The following CEP112 variants were observed in gnomAD, a reference collection of about 807,000 sequenced individuals.
CEP112 encodes the protein centrosomal protein 112.
In CEP112, 127 loss-of-function variants were observed where a neutral mutation model predicts 153.0. The ratio of observed to expected loss-of-function variants is 0.83; its 90% confidence interval spans 0.72 to 0.96. The LOEUF is 0.96. Among genes scored for constraint, CEP112 ranks in the 40% least tolerant of loss-of-function variants. CEP112 has a pLI of 0.00. For synonymous variants in CEP112, 358 were observed against 374.4 expected (o/e 0.96, Z 0.51); for missense variants, 1,089 against 1,101.2 (o/e 0.99, Z 0.16).
intron 24 of CEP112, among the ~76,000 whole-genome samples, chr17:65,660,958 C>A (rs1038099755): frequency 6.6e-6 from 1 of 152,222 alleles, no homozygotes; most frequent in Non-Finnish European, 1.5e-5. Flanking sequence ...ATCTGATCAT[C>A]TCACCCCAAC....
chr17:65,971,256 C>G (rs1401675271), intron 17 of CEP112, among the ~76,000 whole-genome samples: 1 of 152,128 alleles, frequency 6.6e-6, no homozygotes, highest in Admixed American at 6.5e-5. Context: ...ACATCAAATG[C>G]GTACTGCACA....
chr17:66,147,692 G>A (rs542258036), intron 4 of CEP112, among the ~76,000 whole-genome samples: 11 of 152,280 alleles, frequency 7.2e-5, no homozygotes, highest in Non-Finnish European at 1.0e-4. Context: ...TATATATGAT[G>A]TAAAGTGAGA....
At chr17:66,101,893 C>T (rs570803315) in intron 6 of CEP112, among the ~76,000 whole-genome samples, 6 of 151,932 alleles carry the variant, frequency 3.9e-5, no homozygotes, top group African/African-American at 1.4e-4. Flanking sequence ...ATGAAATCAC[C>T]ATGGAATTTA....
Position 66,175,236 on chromosome 17 carries a change from A to G in CEP112, c.298-20T>C. On this transcript the variant is annotated intron_variant, in intron 3 of 26. Coordinates refer to ENST00000535342, the MANE Select transcript of CEP112 (RefSeq NM_001199165.4). ...GATGGACTGATTTTTTAAAATTAGA[A>G]AAATTATTCTTTCAAAATGTACTAT... 6 of 1,503,492 alleles carry G rather than the reference A, an allele frequency of 4.0e-6. No homozygotes were observed. Among genetic ancestry groups the G allele is most frequent in the African/African-American group, 1.4e-5 (1 of 70,388 alleles). The allele number at this position is 1,503,492 out of a possible 1,614,324, so 93.1% of individuals were successfully genotyped here.
intron 8 of CEP112, among the ~76,000 whole-genome samples, chr17:66,082,631 C>T (rs756870821): frequency 7.2e-5 from 11 of 152,074 alleles, no homozygotes; most frequent in South Asian, 6.2e-4. Flanking sequence ...GATGTCATGG[C>T]GTGTGCCTGT....
chr17:65,926,251 C>T (rs1307278689), intron 19 of CEP112, among the ~76,000 whole-genome samples: 2 of 152,134 alleles, frequency 1.3e-5, no homozygotes, highest in Non-Finnish European at 2.9e-5. Context: ...ACGTGCAGTT[C>T]CCTCAGACTG....
Position 66,191,455 on chromosome 17 carries a change from C to T in CEP112, c.-9+542G>A, listed in dbSNP as rs1239358142. Among the ~76,000 whole-genome samples, 1 of 152,212 alleles carries T rather than the reference C, an allele frequency of 6.6e-6. No homozygotes were observed. The highest frequency in any genetic ancestry group is 1.5e-5 in the Non-Finnish European group (1 of 68,036). On this transcript the variant is annotated intron_variant, in intron 1 of 26. Coordinates refer to ENST00000535342, the MANE Select transcript of CEP112 (RefSeq NM_001199165.4). This position sits in a 1 kb window ranked among gnomAD's most constrained non-coding sequence, Gnocchi z 4.2. ...TTAACTCAGAAACACAGGGTAGCATCCTACATGCGGCGGTGCTGGGCTTGG... is the reference window on the plus strand; with the variant it reads ...TTAACTCAGAAACACAGGGTAGCATTCTACATGCGGCGGTGCTGGGCTTGG...
At chr17:65,870,184 T>G (rs2058628155) in intron 20 of CEP112, among the ~76,000 whole-genome samples, 1 of 152,096 alleles carries the variant, frequency 6.6e-6, no homozygotes, top group Non-Finnish European at 1.5e-5. Flanking sequence ...ATGTTATGAG[T>G]TCACATGAAC....
chr17:66,139,420 A>G lies in CEP112; in HGVS notation c.471-6657T>C, dbSNP rs375681395. On this transcript the variant is annotated intron_variant, in intron 4 of 26. Transcript: ENST00000535342. The stretch of plus-strand genomic sequence containing the variant: ...GGAGTACATGACCAGCCTCAGCAAC[A>G]TAGTGAGCCTCATTTCTACAAAAAA... Among the ~76,000 whole-genome samples, 53 of 152,260 alleles carry G rather than the reference A, an allele frequency of 3.5e-4. 1 individual carries two copies. In the South Asian group the frequency reaches 9.5e-3, roughly 27 times the overall value.
At chr17:65,923,782 C>T (rs1312813672) in intron 19 of CEP112, among the ~76,000 whole-genome samples, 1 of 152,050 alleles carries the variant, frequency 6.6e-6, no homozygotes, top group Non-Finnish European at 1.5e-5. Context: ...AATTTTTTCA[C>T]TGAATTTACA....
intron 21 of CEP112, among the ~76,000 whole-genome samples, chr17:65,847,810 CG>C (rs1459693259): frequency 3.3e-5 from 5 of 152,064 alleles, no homozygotes; most frequent in Non-Finnish European, 7.4e-5. Flanking sequence ...ATGAAAAGGT[CG>C]GGGAAGGATG....
chr17:65,835,730 C>T (rs74746047), intron 21 of CEP112, among the ~76,000 whole-genome samples: 2,332 of 152,262 alleles, frequency 0.015, 55 homozygotes, highest in African/African-American at 0.053. Flanking sequence ...GTTTTTCAAT[C>T]AGCAAGAAAG....
chr17:66,005,223 T>C (rs950027710), intron 17 of CEP112, among the ~76,000 whole-genome samples: 3 of 152,210 alleles, frequency 2.0e-5, no homozygotes, highest in African/African-American at 7.2e-5. Context: ...AATATTTTAA[T>C]GTATGCCTAA....
chr17:65,740,108 CTA>C (rs1355044679), intron 23 of CEP112, among the ~76,000 whole-genome samples: 1 of 152,066 alleles, frequency 6.6e-6, no homozygotes, highest in African/African-American at 2.4e-5. Flanking sequence ...GAGCTCATAT[CTA>C]TATGTTTTGG....
intron 23 of CEP112, among the ~76,000 whole-genome samples, chr17:65,729,570 T>C (rs1317364950): frequency 1.3e-5 from 2 of 152,222 alleles, no homozygotes; most frequent in Admixed American, 6.5e-5. Context: ...CGATACAGTT[T>C]AGCATTATTA....
At chr17:65,765,611 T>TC (rs2145441082) in intron 21 of CEP112, among the ~76,000 whole-genome samples, 1 of 152,186 alleles carries the variant, frequency 6.6e-6, no homozygotes, top group African/African-American at 2.4e-5. Flanking sequence ...GCTAAGACTC[T>TC]CCATTGTGGG....
chr17:66,005,369 G>GAATTTCTAAATTTCTA (rs1452503616), intron 17 of CEP112, among the ~76,000 whole-genome samples: 2 of 152,046 alleles, frequency 1.3e-5, no homozygotes, highest in Non-Finnish European at 2.9e-5. Flanking sequence ...ATCTACGGAG[G>GAATTTCTAAATTTCTA]AATTTCTAAA....
chr17:66,099,177 T>G (rs1048870612), intron 6 of CEP112, among the ~76,000 whole-genome samples: 4 of 152,054 alleles, frequency 2.6e-5, no homozygotes, highest in Non-Finnish European at 5.9e-5. Context: ...ATAAGGGCCC[T>G]GCAGAAACAA....
chr17:66,096,158 T>C, intron 8 of CEP112, 93 bp downstream of exon 8: 1 of 816,514 alleles, frequency 1.2e-6, no homozygotes, highest in Non-Finnish European at 1.9e-6. Context: ...TCCTAGAATA[T>C]ACCATTATTT....
Sources: allele counts gnomAD v4.1 joint callset (sites outside exome capture counted in the v4.1 genomes callset), GRCh38; gene constraint gnomAD v4.1.1; non-coding constraint Gnocchi (gnomAD v3.1); transcripts MANE v1.5; gene names NCBI Gene and HGNC (gene_info 2026-07-23, HGNC 2026-07-21).